Variants in RNF115 observed in about 807,000 individuals in gnomAD.
RNF115 encodes ring finger protein 115.
In RNF115, 31 loss-of-function variants were observed where a neutral mutation model predicts 39.2. The observed-to-expected ratio is 0.79, with a 90% CI of 0.59 to 1.07. RNF115 has a LOEUF of 1.07. Among genes scored for constraint, RNF115 ranks in the 50% least tolerant of loss-of-function variants. The pLI is 0.00. For missense variants in RNF115, 384 were observed against 381.7 expected (o/e 1.01, Z -0.05); for synonymous variants, 124 against 131.0 (o/e 0.95, Z 0.37).
At chr1:145,796,017 A>G (rs923262937) in intron 1 of RNF115, among the ~76,000 whole-genome samples, 1 of 152,228 alleles carries the variant, frequency 6.6e-6, no homozygotes, top group African/African-American at 2.4e-5. Context: ...ATTTCAGAAC[A>G]AAGTCTGGTC....
At chr1:145,758,135 T>C (rs909972949) in intron 4 of RNF115, among the ~76,000 whole-genome samples, 4 of 152,196 alleles carry the variant, frequency 2.6e-5, no homozygotes, top group Non-Finnish European at 1.5e-5. Flanking sequence ...ATTCACCTCT[T>C]ACAGACAAAA....
At chr1:145,788,794 T>C (rs782578966) in intron 2 of RNF115, 114 bp downstream of exon 2, 6 of 791,300 alleles carry the variant, frequency 7.6e-6, no homozygotes, top group African/African-American at 6.7e-5. Flanking sequence ...TCTCTCACTC[T>C]CGCTCTCTCT....
At chr1:145,775,564 T>TA (rs55992607) in intron 3 of RNF115, among the ~76,000 whole-genome samples, 20 of 147,740 alleles carry the variant, frequency 1.4e-4, no homozygotes, top group Admixed American at 2.0e-4. Flanking sequence ...CTCAGCTAAT[T>TA]AAAAAAAAAA....
chr1:145,781,123 T>C (rs1340158602), intron 3 of RNF115, among the ~76,000 whole-genome samples: 2 of 152,144 alleles, frequency 1.3e-5, no homozygotes, highest in Non-Finnish European at 2.9e-5. Flanking sequence ...CTCTATCCCA[T>C]TAGTCTCTTA....
chr1:145,750,416 C>T lies in RNF115; in HGVS notation c.658G>A (p.Glu220Lys). ...TSLPTVTVTQ[E>K]QVDMGLECPV... ...ATAAAAATGAACCTACCAACTTGTT[C>T]CTGAGTTACTGTCACTGTTGGAAGA... Residue 220 changes from glutamate (E) to lysine (K), a missense_variant, in exon 7 of 9, where the codon GAA becomes AAA. Glu to Lys is a moderately conservative substitution (Grantham distance 56). Coordinates refer to ENST00000582693, the MANE Select transcript of RNF115 (RefSeq NM_014455.4). 1.2e-6 allele frequency: 2 copies of T among 1,612,450 alleles called. No homozygotes were observed. Among genetic ancestry groups the T allele is most frequent in the Non-Finnish European group, 1.7e-6 (2 of 1,178,708 alleles).
At chr1:145,793,492 T>A (rs587645137) in intron 1 of RNF115, among the ~76,000 whole-genome samples, 1 of 152,122 alleles carries the variant, frequency 6.6e-6, no homozygotes, top group East Asian at 1.9e-4. Context: ...TCTCTCTCCC[T>A]CTCTCACTCA....
chr1:145,746,604 C>T lies in RNF115; in HGVS notation c.*262G>A, dbSNP rs773275045. ...CTTTAAGGAATTAATTCTATTCAGA[C>T]GGGGGGAGCCCTACATAATTAAGTT... On this transcript the variant is annotated 3_prime_UTR_variant, in exon 9 of 9. Coordinates refer to ENST00000582693, the MANE Select transcript of RNF115 (RefSeq NM_014455.4). 1.4e-4 allele frequency: 52 copies of T among 374,764 alleles called. No homozygotes were observed. Among genetic ancestry groups the T allele is most frequent in the Non-Finnish European group, 2.2e-4 (46 of 206,514 alleles). 23.2% of individuals were successfully genotyped at this position (374,764 alleles called of 1,614,324 possible). A position where few individuals can be genotyped will look rare whatever the true frequency, so the allele number is the denominator to read the frequency against.
chr1:145,773,323 T>A (rs1300882961), intron 3 of RNF115: 1 of 151,776 alleles, frequency 6.6e-6, no homozygotes, highest in Admixed American at 6.6e-5. Context: ...GTGTAAAAAA[T>A]AAAAACAAAA....
rs1647670557 is a variant in RNF115 at position 145,772,082 on chromosome 1, C to G, written c.220-163G>C. On this transcript the variant is annotated intron_variant, in intron 3 of 8. Transcript: ENST00000582693. ...ATATTTTTGGTCTGTAAAACTATTA[C>G]ATGATCTATACATCTTCAACTTTAC... 4.9e-6 allele frequency: 3 copies of G among 616,920 alleles called. No individual in the cohort carries two copies. The East Asian group carries it at 8.4e-5, about 17-fold the overall frequency. 38.2% of individuals were successfully genotyped at this position (616,920 alleles called of 1,614,324 possible). A position where few individuals can be genotyped will look rare whatever the true frequency, so the allele number is the denominator to read the frequency against.
At chr1:145,773,480 A>G (rs782458557) in intron 3 of RNF115, 6 of 152,054 alleles carry the variant, frequency 3.9e-5, no homozygotes, top group Admixed American at 6.5e-5. Context: ...AAAAAAAAAG[A>G]AAGAAAAAGA....
At chr1:145,821,457 CTTTTTTTT>C (rs1172613737) in intron 1 of RNF115, among the ~76,000 whole-genome samples, 65 of 47,464 alleles carry the variant, frequency 1.4e-3, no homozygotes, top group African/African-American at 3.0e-3. Context: ...TCTTCTCACT[CTTTTTTTT>C]TTTTTTTTTT....
chr1:145,779,698 T>C (rs1553717036), intron 3 of RNF115, among the ~76,000 whole-genome samples: 2 of 152,032 alleles, frequency 1.3e-5, no homozygotes, highest in African/African-American at 4.8e-5. Context: ...AGTCTCGCTC[T>C]GTTGCTCAGG....
chr1:145,798,223 A>G (rs1186923382), intron 1 of RNF115, among the ~76,000 whole-genome samples: 1 of 152,204 alleles, frequency 6.6e-6, no homozygotes, highest in Non-Finnish European at 1.5e-5. Flanking sequence ...TGCCAAATCC[A>G]AAGTTATAAA....
rs587671627 is a variant in RNF115, at chr1:145,742,266, G to C, written c.*4600C>G. 1 of 152,260 alleles carries C rather than the reference G, an allele frequency of 6.6e-6. No homozygotes were observed. Among genetic ancestry groups the C allele is most frequent in the South Asian group, 2.1e-4 (1 of 4,816 alleles). 9.4% of individuals were successfully genotyped at this position (152,260 alleles called of 1,614,324 possible). On this transcript the variant is annotated 3_prime_UTR_variant, in exon 9 of 9. Coordinates refer to ENST00000582693, the MANE Select transcript of RNF115 (RefSeq NM_014455.4). ...GGGAATAGCACCTGGAAACCAGGGA[G>C]AAAGAAGCTGAAGCATGCAGGTCAT...
chr1:145,755,187 A>G (rs1658252368), intron 4 of RNF115, among the ~76,000 whole-genome samples: 1 of 151,068 alleles, frequency 6.6e-6, no homozygotes, highest in African/African-American at 2.4e-5. Context: ...GGTTGCAGTG[A>G]GCCAAGATTG....
rs587701084 is a variant in RNF115, at chr1:145,794,653, G to A, written c.103-5687C>T. Reference sequence around the variant, plus strand: ...CTGTGTCCGGAATTTATTCCTTCCCGTGGGTTCTTGGTCTCACTGACTTCA... The same window carrying A: ...CTGTGTCCGGAATTTATTCCTTCCCATGGGTTCTTGGTCTCACTGACTTCA... On this transcript the variant is annotated intron_variant, in intron 1 of 8. Coordinates refer to ENST00000582693, the MANE Select transcript of RNF115 (RefSeq NM_014455.4). 1.0e-3 allele frequency among the ~76,000 whole-genome samples: 154 copies of A among 151,592 alleles called. No homozygotes were observed. In the Middle Eastern group the frequency reaches 0.01, roughly 10 times the overall value.
intron 1 of RNF115, among the ~76,000 whole-genome samples, chr1:145,814,586 A>G: frequency 6.6e-6 from 1 of 152,024 alleles, no homozygotes; most frequent in Non-Finnish European, 1.5e-5. Flanking sequence ...CCGTTTAAAA[A>G]AAAAAAAAAG....
At chr1:145,757,514 G>A (rs1273893644) in intron 4 of RNF115, among the ~76,000 whole-genome samples, 3 of 152,176 alleles carry the variant, frequency 2.0e-5, no homozygotes, top group Non-Finnish European at 2.9e-5. Flanking sequence ...CGGTCTCTGG[G>A]CCCTGAAATT....
intron 7 of RNF115, among the ~76,000 whole-genome samples, chr1:145,749,973 T>A (rs1031896312): frequency 6.6e-6 from 1 of 152,212 alleles, no homozygotes; most frequent in Non-Finnish European, 1.5e-5. Context: ...TAACTGTACC[T>A]GACACAAAGT....
Sources: gnomAD v4.1 joint callset for allele counts (sites outside exome capture counted in the v4.1 genomes callset) on GRCh38, gnomAD v4.1.1 for gene constraint, MANE v1.5 for transcripts, NCBI Gene and HGNC (gene_info 2026-07-23, HGNC 2026-07-21) for gene names.